The following NAA11 variants were observed in gnomAD, a reference collection of about 807,000 sequenced individuals.
The protein encoded by NAA11 is N-alpha-acetyltransferase 11.
In NAA11, 15 loss-of-function variants were observed where a neutral mutation model predicts 16.1. The ratio of observed to expected loss-of-function variants is 0.93; its 90% CI spans 0.62 to 1.44. The LOEUF (loss-of-function observed/expected upper bound fraction) is 1.44, where lower values mean the gene tolerates loss of function less well. NAA11 is among the 40% of genes most tolerant of loss of function. NAA11 has a pLI of 0.00. For synonymous variants in NAA11, 122 were observed against 112.4 expected (o/e 1.09, Z -0.54); for missense variants, 298 against 291.3 (o/e 1.02, Z -0.17).
chr4:79,167,661 A>T, the NAA11 span, among the ~76,000 whole-genome samples: 2 of 152,050 alleles, frequency 1.3e-5, no homozygotes, highest in African/African-American at 4.8e-5. Flanking sequence ...GAAGCTGGGT[A>T]AGTTATCAAG....
the NAA11 span, among the ~76,000 whole-genome samples, chr4:79,184,362 C>A: frequency 3.3e-5 from 5 of 152,002 alleles, no homozygotes; most frequent in African/African-American, 7.2e-5. Context: ...CTAGAGGAAA[C>A]AAATAAAATC....
intron 2 of NAA11, among the ~76,000 whole-genome samples, chr4:79,246,077 C>G (rs1234822705): frequency 3.3e-5 from 5 of 152,060 alleles, no homozygotes; most frequent in Non-Finnish European, 7.4e-5. Flanking sequence ...AACCTTACCC[C>G]CAACCCCGTG....
intron 2 of NAA11, among the ~76,000 whole-genome samples, chr4:79,267,770 C>A (rs1169193196): frequency 6.6e-6 from 1 of 152,066 alleles, no homozygotes; most frequent in Non-Finnish European, 1.5e-5. Context: ...GTGCACTAAG[C>A]CCCCAACAGC....
the NAA11 span, among the ~76,000 whole-genome samples, chr4:79,198,615 A>C: frequency 6.6e-6 from 1 of 151,962 alleles, no homozygotes; most frequent in African/African-American, 2.4e-5. Context: ...CAAGGGAAAG[A>C]GGAGACAGTG....
chr4:79,183,161 A>G, the NAA11 span, among the ~76,000 whole-genome samples: 1 of 152,152 alleles, frequency 6.6e-6, no homozygotes, highest in Non-Finnish European at 1.5e-5. Context: ...TGTGAAGAAA[A>G]TTAACAGCTG....
the NAA11 span, among the ~76,000 whole-genome samples, chr4:79,185,531 A>G: frequency 1.6e-4 from 25 of 152,346 alleles, no homozygotes; most frequent in Non-Finnish European, 3.7e-4. Flanking sequence ...AGATGATCCT[A>G]TAACTCTTTG....
intron 2 of NAA11, among the ~76,000 whole-genome samples, chr4:79,257,390 TGTA>T (rs1160712678): frequency 6.6e-6 from 1 of 152,220 alleles, no homozygotes; most frequent in East Asian, 1.9e-4. Context: ...AGTTTTAAAG[TGTA>T]GTTTCAAAAT....
At chr4:79,253,720 G>A (rs1038822172) in intron 2 of NAA11, among the ~76,000 whole-genome samples, 1 of 152,196 alleles carries the variant, frequency 6.6e-6, no homozygotes, top group African/African-American at 2.4e-5. Context: ...CAGAAAATGG[G>A]CAGTAGTTGT....
intron 1 of NAA11, among the ~76,000 whole-genome samples, chr4:79,297,087 T>C (rs2109998280): frequency 6.6e-6 from 1 of 152,196 alleles, no homozygotes; most frequent in Middle Eastern, 3.4e-3. Flanking sequence ...CAGGACCTGC[T>C]CCCAGGTCCA....
the NAA11 span, among the ~76,000 whole-genome samples, chr4:79,160,217 C>T: frequency 6.6e-6 from 1 of 152,122 alleles, no homozygotes; most frequent in African/African-American, 2.4e-5. Context: ...GTCTCGAACT[C>T]CTGACCTCAG....
chr4:79,236,821 G>C (rs1372746593), intron 2 of NAA11, among the ~76,000 whole-genome samples: 1 of 152,056 alleles, frequency 6.6e-6, no homozygotes, highest in Non-Finnish European at 1.5e-5. Context: ...ACACTTCATG[G>C]GACCCTTTTG....
intron 1 of NAA11, among the ~76,000 whole-genome samples, chr4:79,298,622 G>T (rs1723293448): frequency 6.6e-6 from 1 of 152,212 alleles, no homozygotes; most frequent in South Asian, 2.1e-4. Context: ...GTCTGACTGT[G>T]CACAGTGGCC....
At chr4:79,276,553 T>C (rs1185614976) in intron 2 of NAA11, among the ~76,000 whole-genome samples, 1 of 152,152 alleles carries the variant, frequency 6.6e-6, no homozygotes, top group African/African-American at 2.4e-5. Flanking sequence ...AGACATGCAG[T>C]TAGCTTAAGA....
intron 2 of NAA11, among the ~76,000 whole-genome samples, chr4:79,250,235 C>T (rs1424515901): frequency 5.9e-5 from 9 of 152,222 alleles, no homozygotes; most frequent in South Asian, 2.1e-4. Flanking sequence ...TTGCAAACTC[C>T]GGCCCCAGGA....
chr4:79,263,947 A>C (rs1186862801), intron 2 of NAA11, among the ~76,000 whole-genome samples: 3 of 152,120 alleles, frequency 2.0e-5, no homozygotes, highest in Non-Finnish European at 4.4e-5. Context: ...CCTTCCATAT[A>C]TTCTGGTCAA....
chr4:79,207,709 AG>A, the NAA11 span, among the ~76,000 whole-genome samples: 1 of 152,162 alleles, frequency 6.6e-6, no homozygotes, highest in Non-Finnish European at 1.5e-5. Flanking sequence ...TACACTTCAA[AG>A]GGTTATCATT....
chr4:79,267,261 T>C (rs569527013), intron 2 of NAA11, among the ~76,000 whole-genome samples: 150 of 152,294 alleles, frequency 9.8e-4, no homozygotes, highest in African/African-American at 3.3e-3. Context: ...GAGAATAGAA[T>C]GAAGAAAATG....
chr4:79,283,145 T>C (rs901260266), intron 2 of NAA11, among the ~76,000 whole-genome samples: 3 of 152,088 alleles, frequency 2.0e-5, no homozygotes, highest in African/African-American at 7.2e-5. Flanking sequence ...GCAGAAAGCC[T>C]ACAGGAATTA....
At chr4:79,248,033 A>G (rs2109965913) in intron 2 of NAA11, among the ~76,000 whole-genome samples, 1 of 152,180 alleles carries the variant, frequency 6.6e-6, no homozygotes, top group African/African-American at 2.4e-5. Context: ...GAACTATTGG[A>G]CCTGAACAGA....
Sources: gnomAD v4.1 joint callset for allele counts (sites outside exome capture counted in the v4.1 genomes callset) on GRCh38, gnomAD v4.1.1 for gene constraint, MANE v1.5 for transcripts, NCBI Gene and HGNC (gene_info 2026-07-23, HGNC 2026-07-21) for gene names.